TBC1D5: variants seen among roughly 807,000 people sequenced by gnomAD.
TBC1D5 encodes the protein TBC1 domain family member 5, also known as TBC1 domain family, member 5.
TBC1D5 carries 75 observed loss-of-function variants against 100.3 expected under a neutral mutation model. The ratio of observed to expected loss-of-function variants is 0.75; its 90% CI spans 0.62 to 0.91. The LOEUF (loss-of-function observed/expected upper bound fraction) is 0.91, where lower values mean the gene tolerates loss of function less well. TBC1D5 is among the 40% of genes least tolerant of loss of function. TBC1D5 has a pLI of 0.00. For synonymous variants in TBC1D5, 323 were observed against 325.6 expected (o/e 0.99, Z 0.09); for missense variants, 910 against 942.4 (o/e 0.97, Z 0.45).
At chr3:17,418,413 G>A (rs758432845) in intron 4 of TBC1D5, among the ~76,000 whole-genome samples, 6 of 151,964 alleles carry the variant, frequency 3.9e-5, no homozygotes, top group Admixed American at 6.6e-5. Flanking sequence ...TTCAAGACCA[G>A]CCTGGCCAAC....
chr3:17,646,290 T>C (rs2065007595), intron 1 of TBC1D5, among the ~76,000 whole-genome samples: 1 of 152,166 alleles, frequency 6.6e-6, no homozygotes, highest in Non-Finnish European at 1.5e-5. Context: ...ACCTTTAGCC[T>C]ACACTTTGAT....
chr3:17,401,652 C>A (rs115951769), intron 8 of TBC1D5, among the ~76,000 whole-genome samples: 2 of 152,080 alleles, frequency 1.3e-5, no homozygotes, highest in African/African-American at 4.8e-5. Context: ...TCGGCACCAG[C>A]GCTGTGGCCC....
chr3:17,386,967 A>T (rs1336081241), intron 8 of TBC1D5, among the ~76,000 whole-genome samples: 1 of 152,138 alleles, frequency 6.6e-6, no homozygotes, highest in Non-Finnish European at 1.5e-5. Flanking sequence ...TCAACTGAAA[A>T]TATGTATTAT....
intron 1 of TBC1D5, among the ~76,000 whole-genome samples, chr3:17,695,762 C>T (rs530832880): frequency 2.6e-5 from 4 of 152,324 alleles, no homozygotes; most frequent in Non-Finnish European, 5.9e-5. Context: ...GAGATATCTA[C>T]AGAACTCTCC....
chr3:17,538,521 T>C (rs1438784340), intron 2 of TBC1D5, among the ~76,000 whole-genome samples: 1 of 152,192 alleles, frequency 6.6e-6, no homozygotes, highest in Non-Finnish European at 1.5e-5. Context: ...AGTGTACTGC[T>C]TCCTTTCACT....
intron 2 of TBC1D5, among the ~76,000 whole-genome samples, chr3:17,511,564 T>C (rs960571121): frequency 6.6e-6 from 1 of 152,022 alleles, no homozygotes; most frequent in African/African-American, 2.4e-5. Flanking sequence ...ATCTTTATGT[T>C]GTCAGAAGAA....
intron 14 of TBC1D5, among the ~76,000 whole-genome samples, chr3:17,299,858 CAAAAAAAAAAA>C (rs10590475): frequency 3.5e-4 from 17 of 48,594 alleles, no homozygotes; most frequent in Admixed American, 1.0e-3. Flanking sequence ...GACTCCGTCT[CAAAAAAAAAAA>C]AAAAAAAAAA....
intron 13 of TBC1D5, among the ~76,000 whole-genome samples, chr3:17,334,911 G>A (rs958347825): frequency 1.3e-5 from 2 of 151,944 alleles, no homozygotes; most frequent in Admixed American, 1.3e-4. Context: ...TCAATTTTGG[G>A]GGGAAAATCT....
At chr3:17,730,238 TAAGTA>T (rs144327476) in intron 1 of TBC1D5, among the ~76,000 whole-genome samples, 2,515 of 152,326 alleles carry the variant, frequency 0.017, 51 homozygotes, top group South Asian at 0.047. Context: ...TGTAGCAAAT[TAAGTA>T]AAGTTGCAAA....
chr3:17,528,452 T>C (rs1301105250), intron 2 of TBC1D5, among the ~76,000 whole-genome samples: 1 of 152,170 alleles, frequency 6.6e-6, no homozygotes, highest in Non-Finnish European at 1.5e-5. Flanking sequence ...CACCAGACAC[T>C]GAACCTGCTC....
chr3:17,398,555 C>T (rs1245709440), intron 8 of TBC1D5, among the ~76,000 whole-genome samples: 1 of 152,106 alleles, frequency 6.6e-6, no homozygotes, highest in African/African-American at 2.4e-5. Context: ...CACTGATCAT[C>T]AGTGATAAGA....
intron 1 of TBC1D5, among the ~76,000 whole-genome samples, chr3:17,704,326 T>C (rs2073660862): frequency 1.3e-5 from 2 of 151,502 alleles, no homozygotes; most frequent in Admixed American, 1.3e-4. Flanking sequence ...TACTTCTTTC[T>C]ACACAGACAC....
At chr3:17,320,450 A>G (rs975417946) in intron 13 of TBC1D5, among the ~76,000 whole-genome samples, 3 of 152,176 alleles carry the variant, frequency 2.0e-5, no homozygotes, top group Non-Finnish European at 4.4e-5. Context: ...CTACTTTAAG[A>G]GTGTATAAGA....
chr3:17,473,688 A>G (rs1451738494), intron 3 of TBC1D5, among the ~76,000 whole-genome samples: 1 of 152,194 alleles, frequency 6.6e-6, no homozygotes, highest in Non-Finnish European at 1.5e-5. Flanking sequence ...TTTGATGAGG[A>G]TTTAACTAAG....
chr3:17,505,107 A>G (rs967914493), intron 3 of TBC1D5, among the ~76,000 whole-genome samples: 3 of 152,212 alleles, frequency 2.0e-5, no homozygotes, highest in Admixed American at 1.3e-4. Flanking sequence ...CAAGCTTTGA[A>G]ACAGATAGTA....
At chr3:17,640,201 C>G (rs988744535) in intron 1 of TBC1D5, among the ~76,000 whole-genome samples, 15 of 152,020 alleles carry the variant, frequency 9.9e-5, no homozygotes, top group African/African-American at 3.6e-4. Flanking sequence ...CTTTATAGAG[C>G]TAGAACATTC....
At chr3:17,261,228 G>T (rs1022223942) in intron 15 of TBC1D5, among the ~76,000 whole-genome samples, 1 of 151,956 alleles carries the variant, frequency 6.6e-6, no homozygotes, top group Non-Finnish European at 1.5e-5. Context: ...AAAAGTTAAG[G>T]AATTTTGGAA....
At chr3:17,620,603 A>G (rs2062581174) in intron 2 of TBC1D5, among the ~76,000 whole-genome samples, 1 of 152,218 alleles carries the variant, frequency 6.6e-6, no homozygotes, top group African/African-American at 2.4e-5. Flanking sequence ...GACAACATAA[A>G]TATCTCTGCG....
At chr3:17,600,213 ATATGT>A (rs59063083) in intron 2 of TBC1D5, among the ~76,000 whole-genome samples, 65,892 of 150,972 alleles carry the variant, frequency 0.44, 15,075 homozygotes, top group Middle Eastern at 0.51. Context: ...GATTCATATA[ATATGT>A]TATGTTATGT....
Sources: allele counts gnomAD v4.1 joint callset (sites outside exome capture counted in the v4.1 genomes callset), GRCh38; gene constraint gnomAD v4.1.1; transcripts MANE v1.5; gene names NCBI Gene and HGNC (gene_info 2026-07-23, HGNC 2026-07-21).